The following LOC128092252 variants were observed in gnomAD, a reference collection of about 807,000 sequenced individuals.
At chr15:50,658,559 G>A in the LOC128092252 span, among the ~76,000 whole-genome samples, 17 of 147,096 alleles carry the variant, frequency 1.2e-4, no homozygotes, top group African/African-American at 3.8e-4. Context: ...GCGAAAGAGC[G>A]AGAAACTGTC....
chr15:50,684,402 G>A, the LOC128092252 span, among the ~76,000 whole-genome samples: 129 of 152,218 alleles, frequency 8.5e-4, 2 homozygotes, highest in South Asian at 9.3e-3. Context: ...AACACTTTGG[G>A]AGGTGAGACA....
the LOC128092252 span, among the ~76,000 whole-genome samples, chr15:50,672,154 C>T: frequency 2.0e-5 from 3 of 152,140 alleles, no homozygotes; most frequent in East Asian, 5.8e-4. Context: ...CCCGGGTTCA[C>T]GCCATTCTCC....
the LOC128092252 span, among the ~76,000 whole-genome samples, chr15:50,676,818 G>C: frequency 1.2e-4 from 18 of 152,238 alleles, no homozygotes; most frequent in Non-Finnish European, 2.5e-4. Flanking sequence ...CAGCTGGAAA[G>C]TGATGGGAAA....
the LOC128092252 span, among the ~76,000 whole-genome samples, chr15:50,674,990 C>T: frequency 1.3e-5 from 2 of 152,258 alleles, no homozygotes; most frequent in South Asian, 4.1e-4. Flanking sequence ...CTCCCATACT[C>T]ACAGATTTTT....
At chr15:50,684,300 C>T in the LOC128092252 span, among the ~76,000 whole-genome samples, 2 of 151,790 alleles carry the variant, frequency 1.3e-5, no homozygotes, top group African/African-American at 4.8e-5. Flanking sequence ...TTACCACGCC[C>T]GATTACTGAT....
At chr15:50,649,552 G>A in the LOC128092252 span, among the ~76,000 whole-genome samples, 1 of 152,082 alleles carries the variant, frequency 6.6e-6, no homozygotes, top group African/African-American at 2.4e-5. Flanking sequence ...CATACTGAGT[G>A]AAAGAACCTA....
the LOC128092252 span, chr15:50,662,942 C>A: frequency 6.4e-7 from 1 of 1,554,740 alleles, no homozygotes; most frequent in South Asian, 1.1e-5. Context: ...CTAGAAGACC[C>A]CAGAAGTAAC....
chr15:50,655,446 A>C, the LOC128092252 span, among the ~76,000 whole-genome samples: 4 of 142,792 alleles, frequency 2.8e-5, no homozygotes, highest in Admixed American at 2.2e-4. Flanking sequence ...GGAAAAAAAA[A>C]ACAAAAAAAC....
chr15:50,660,615 T>C, the LOC128092252 span, among the ~76,000 whole-genome samples: 4,554 of 152,250 alleles, frequency 0.03, 249 homozygotes, highest in African/African-American at 0.1. Context: ...TCTCCCAAAG[T>C]GCTGGAATTA....
chr15:50,666,693 T>G, the LOC128092252 span, among the ~76,000 whole-genome samples: 2 of 151,832 alleles, frequency 1.3e-5, no homozygotes, highest in African/African-American at 2.4e-5. Flanking sequence ...TCGCAGCTAC[T>G]TGGAAGGCTG....
At chr15:50,657,949 G>T in the LOC128092252 span, 3 of 590,972 alleles carry the variant, frequency 5.1e-6, no homozygotes, top group South Asian at 2.5e-5. Context: ...AGATATTATA[G>T]TTCACGTATA....
At chr15:50,672,684 C>T in the LOC128092252 span, among the ~76,000 whole-genome samples, 167 of 151,756 alleles carry the variant, frequency 1.1e-3, no homozygotes, top group African/African-American at 3.7e-3. Context: ...CTGAGGCAGG[C>T]GGATCATCTG....
the LOC128092252 span, among the ~76,000 whole-genome samples, chr15:50,682,719 G>T: frequency 6.6e-6 from 1 of 152,060 alleles, no homozygotes; most frequent in Non-Finnish European, 1.5e-5. Flanking sequence ...AATTCTCCAA[G>T]TCAAACACTG....
chr15:50,672,716 C>T, the LOC128092252 span, among the ~76,000 whole-genome samples: 23 of 151,606 alleles, frequency 1.5e-4, no homozygotes, highest in African/African-American at 5.3e-4. Context: ...TCGAGACCAG[C>T]CTGATCAATG....
At chr15:50,682,599 A>C in the LOC128092252 span, among the ~76,000 whole-genome samples, 7 of 151,980 alleles carry the variant, frequency 4.6e-5, no homozygotes, top group Admixed American at 4.6e-4. Flanking sequence ...AAAATTCCAG[A>C]GCAATTTCCT....
At chr15:50,667,539 C>T in the LOC128092252 span, among the ~76,000 whole-genome samples, 5 of 152,140 alleles carry the variant, frequency 3.3e-5, no homozygotes, top group Admixed American at 1.3e-4. Context: ...AACCCCACCT[C>T]TACTAAAAAT....
the LOC128092252 span, among the ~76,000 whole-genome samples, chr15:50,678,246 A>AAAAAACAAAAACAAAAAC: frequency 7.0e-6 from 1 of 142,504 alleles, no homozygotes; most frequent in African/African-American, 2.6e-5. Flanking sequence ...TCTCAAAAAA[A>AAAAAACAAAAACAAAAAC]AAAAACAAAA....
the LOC128092252 span, among the ~76,000 whole-genome samples, chr15:50,682,576 CA>C: frequency 0.054 from 5,515 of 102,998 alleles, 295 homozygotes; most frequent in African/African-American, 0.17. Context: ...AACTCCATCT[CA>C]AAAAAAAAAA....
At chr15:50,656,352 T>A in the LOC128092252 span, among the ~76,000 whole-genome samples, 129 of 151,972 alleles carry the variant, frequency 8.5e-4, no homozygotes, top group Non-Finnish European at 1.6e-3. Flanking sequence ...CAGGCAGGAG[T>A]GCAGTGGTGT....
Sources: allele counts gnomAD v4.1 joint callset (sites outside exome capture counted in the v4.1 genomes callset), GRCh38; gene constraint gnomAD v4.1.1; transcripts MANE v1.5.